SOBP: variants seen among roughly 807,000 people sequenced by gnomAD.
The protein encoded by SOBP is sine oculis-binding protein homolog.
In SOBP, 4 loss-of-function variants were observed where a neutral mutation model predicts 53.6. The observed-to-expected ratio is 0.07, with a 90% CI of 0.04 to 0.17. The LOEUF (loss-of-function observed/expected upper bound fraction) is 0.17. Ranked by LOEUF, SOBP falls within the 10% of genes least tolerant of loss-of-function variation. The pLI, the probability that SOBP is intolerant of heterozygous loss-of-function variation, is 1.00. For missense variants in SOBP, 1,088 were observed against 1,204.7 expected (o/e 0.90, Z 1.43); for synonymous variants, 584 against 522.6 (o/e 1.12, Z -1.60).
At chr6:107,522,204 G>C (rs1261890532) in intron 3 of SOBP, among the ~76,000 whole-genome samples, 5 of 152,176 alleles carry the variant, frequency 3.3e-5, no homozygotes, top group Admixed American at 6.5e-5. Context: ...AGACAGGTGT[G>C]AGGCTGGCCT....
At chr6:107,507,262 T>A (rs568251630) in intron 3 of SOBP, among the ~76,000 whole-genome samples, 16 of 152,218 alleles carry the variant, frequency 1.1e-4, no homozygotes, top group African/African-American at 3.9e-4. Context: ...CCAACCCAAA[T>A]TTGTAAACTT....
intron 3 of SOBP, among the ~76,000 whole-genome samples, chr6:107,526,811 T>G (rs1249066751): frequency 6.6e-6 from 1 of 152,250 alleles, no homozygotes; most frequent in Non-Finnish European, 1.5e-5. Context: ...TTGTATAATA[T>G]AGGGTCATTC....
intron 5 of SOBP, among the ~76,000 whole-genome samples, chr6:107,623,654 G>A (rs547266545): frequency 8.5e-5 from 13 of 152,192 alleles, no homozygotes; most frequent in Admixed American, 2.0e-4. Context: ...ATACAGAAAC[G>A]GACAAATGTT....
At chr6:107,567,563 G>A (rs1012657617) in intron 4 of SOBP, among the ~76,000 whole-genome samples, 3 of 152,198 alleles carry the variant, frequency 2.0e-5, no homozygotes, top group African/African-American at 7.2e-5. Context: ...TATTCTGTGA[G>A]ATAAAATGAA....
chr6:107,621,497 G>A (rs999981212), intron 5 of SOBP, among the ~76,000 whole-genome samples: 8 of 152,158 alleles, frequency 5.3e-5, no homozygotes, highest in African/African-American at 1.4e-4. Context: ...GAAATCAGAA[G>A]CAGTCCAGCA....
At chr6:107,508,802 C>T (rs1382084592) in intron 3 of SOBP, among the ~76,000 whole-genome samples, 2 of 151,960 alleles carry the variant, frequency 1.3e-5, no homozygotes, top group Non-Finnish European at 2.9e-5. Flanking sequence ...ACATATTTTA[C>T]GTAGGCCAAG....
intron 4 of SOBP, among the ~76,000 whole-genome samples, chr6:107,539,707 C>T (rs984070640): frequency 1.3e-5 from 2 of 152,182 alleles, no homozygotes; most frequent in African/African-American, 4.8e-5. Context: ...TTCAGTGAAA[C>T]AAATGATCAG....
In SOBP at chr6:107,490,683, G is replaced by A; in HGVS notation, c.67G>A (p.Val23Met). 1 of 1,607,818 alleles carries A rather than the reference G, an allele frequency of 6.2e-7. No homozygotes were observed. Among genetic ancestry groups the A allele is most frequent in the Non-Finnish European group, 8.5e-7 (1 of 1,176,694 alleles). The change falls in exon 1 of 7, where the codon GTG becomes ATG. Residue 23 changes from valine (V) to methionine (M), a missense_variant. Around this residue, in one of 6 missense-constraint regions of SOBP, gnomAD observed 37 missense variants for 37.8 expected, o/e 0.98. Transcript: ENST00000317357. ...ACGGAGCAGGAAGCCGGCTCACCCAGTGAAAAGGGAGATCAATGAGGAGAT... is the reference window on the plus strand; with the variant it reads ...ACGGAGCAGGAAGCCGGCTCACCCAATGAAAAGGGAGATCAATGAGGAGAT... ...NKRSRKPAHP[V>M]KREINEEMKN...
At chr6:107,651,834 G>A (rs1012857204) in intron 6 of SOBP, among the ~76,000 whole-genome samples, 4 of 152,230 alleles carry the variant, frequency 2.6e-5, no homozygotes, top group African/African-American at 9.6e-5. Context: ...GGGCCTTTAA[G>A]AATTATGCTA....
intron 5 of SOBP, among the ~76,000 whole-genome samples, chr6:107,605,835 G>C (rs980549046): frequency 6.6e-5 from 10 of 152,156 alleles, no homozygotes; most frequent in South Asian, 4.1e-4. Context: ...AGAATCCCAG[G>C]TCCCACCCAG....
intron 2 of SOBP, among the ~76,000 whole-genome samples, chr6:107,505,514 G>A (rs2114948004): frequency 6.6e-6 from 1 of 152,056 alleles, no homozygotes; most frequent in East Asian, 1.9e-4. Flanking sequence ...TAGAGACGGG[G>A]GTCTCACCAT....
At chr6:107,524,290 G>A (rs1783597263) in intron 3 of SOBP, among the ~76,000 whole-genome samples, 1 of 152,124 alleles carries the variant, frequency 6.6e-6, no homozygotes, top group African/African-American at 2.4e-5. Flanking sequence ...TTCATTTGTG[G>A]ACTAGATGCT....
At position 107,658,697 on chromosome 6, in the gene SOBP, G is replaced by A. The variant is rs758303040; in HGVS notation, c.*494G>A. On this transcript the variant is annotated 3_prime_UTR_variant, in exon 7 of 7. Transcript: ENST00000317357. Reference sequence around the variant, plus strand: ...ACGGTTTTGGACCTATATTGTTCACGTTTTGATGGCGGAGAGGGGTGGTCC... The same window carrying A: ...ACGGTTTTGGACCTATATTGTTCACATTTTGATGGCGGAGAGGGGTGGTCC... The A allele has an allele frequency of 5.2e-5, 8 of 152,570 alleles. No individual in the cohort carries two copies. Among genetic ancestry groups the A allele is most frequent in the African/African-American group, 1.7e-4 (7 of 41,424 alleles). The allele number at this position is 152,570 out of a possible 1,614,324, so 9.5% of individuals were successfully genotyped here.
chr6:107,656,503 T>C (rs950112946), intron 6 of SOBP, among the ~76,000 whole-genome samples: 1 of 152,256 alleles, frequency 6.6e-6, no homozygotes, highest in Non-Finnish European at 1.5e-5. Flanking sequence ...ATTTTCACTT[T>C]GGTTATTTAA....
At chr6:107,598,276 G>GT (rs1562090925) in intron 5 of SOBP, among the ~76,000 whole-genome samples, 1 of 152,170 alleles carries the variant, frequency 6.6e-6, no homozygotes, top group Non-Finnish European at 1.5e-5. Context: ...ATAGGAATAC[G>GT]TATTAAAATA....
intron 3 of SOBP, among the ~76,000 whole-genome samples, chr6:107,519,707 T>C (rs1022724204): frequency 6.6e-6 from 1 of 152,186 alleles, no homozygotes; most frequent in Non-Finnish European, 1.5e-5. Context: ...TAGATAGTTA[T>C]GAAATGTTTT....
intron 6 of SOBP, among the ~76,000 whole-genome samples, chr6:107,638,330 C>G (rs531331369): frequency 5.7e-4 from 87 of 152,356 alleles, no homozygotes; most frequent in African/African-American, 2.0e-3. Flanking sequence ...CCTGCCTCAG[C>G]CTCCTGAGTA....
At chr6:107,599,011 A>G (rs1024441136) in intron 5 of SOBP, among the ~76,000 whole-genome samples, 2 of 152,232 alleles carry the variant, frequency 1.3e-5, no homozygotes, top group Non-Finnish European at 2.9e-5. Flanking sequence ...GATTTAAACT[A>G]CACAAATGCA....
At chr6:107,507,685 T>C (rs887435198) in intron 3 of SOBP, among the ~76,000 whole-genome samples, 2 of 152,154 alleles carry the variant, frequency 1.3e-5, no homozygotes, top group Non-Finnish European at 2.9e-5. Context: ...ACAATTCTTC[T>C]TCCAATGTGG....
Sources: gnomAD v4.1 joint callset for allele counts (sites outside exome capture counted in the v4.1 genomes callset) on GRCh38, gnomAD v4.1.1 for gene constraint, gnomAD v4.1.1 regional missense constraint, MANE v1.5 for transcripts, NCBI Gene and HGNC (gene_info 2026-07-23, HGNC 2026-07-21) for gene names.